AGAP1: variants seen among roughly 807,000 people sequenced by gnomAD.
AGAP1 encodes the protein ArfGAP with GTPase domain, ankyrin repeat and PH domain 1, also known as arf-GAP with GTPase, ANK repeat and PH domain-containing protein 1.
AGAP1 carries 29 observed loss-of-function variants against 105.3 expected under a neutral mutation model. The observed-to-expected ratio is 0.28, with a 90% CI of 0.21 to 0.38. The LOEUF (loss-of-function observed/expected upper bound fraction) is 0.38, where lower values mean the gene tolerates loss of function less well. AGAP1 is among the 10% of genes least tolerant of loss of function. AGAP1 has a pLI of 1.00. For missense variants in AGAP1, 998 were observed against 1,165.1 expected, an observed-to-expected ratio of 0.86 and a Z score of 2.09; for synonymous variants, 509 against 485.9, an observed-to-expected ratio of 1.05 and a Z score of -0.63.
At chr2:235,501,698 G>T (rs998402896) in intron 1 of AGAP1, among the ~76,000 whole-genome samples, 1 of 152,090 alleles carries the variant, frequency 6.6e-6, no homozygotes, top group African/African-American at 2.4e-5. Context: ...TAGTTTGTGA[G>T]TCTCACTCTG....
rs764744851 is a variant in AGAP1 at position 235,810,134 on chromosome 2, C to T, written c.1050+2803C>T. Among the ~76,000 whole-genome samples, 7 of 152,266 alleles carry T rather than the reference C, an allele frequency of 4.6e-5. No homozygotes were observed. In the South Asian group the frequency reaches 1.0e-3, roughly 23 times the overall value. ...TTTAAATTAAGTAAGTGAACCACGA[C>T]CTGAGACAAAAATATCTTACGACTG... is the stretch of plus-strand genomic sequence containing the variant. On this transcript the variant is annotated intron_variant, in intron 9 of 17. Transcript: ENST00000304032.
intron 16 of AGAP1, among the ~76,000 whole-genome samples, chr2:236,059,078 A>G (rs2058119567): frequency 1.3e-5 from 2 of 152,028 alleles, no homozygotes; most frequent in African/African-American, 4.8e-5. Flanking sequence ...TTAAATCCCA[A>G]TGTTTTGGGA....
intron 16 of AGAP1, among the ~76,000 whole-genome samples, chr2:236,107,394 G>A (rs2059526647): frequency 6.6e-6 from 1 of 152,132 alleles, no homozygotes; most frequent in Admixed American, 6.5e-5. Context: ...GGGCTGCTGT[G>A]GGCTGCTGTC....
Position 236,104,839 on chromosome 2 carries a change from C to T in AGAP1, c.2115-15353C>T, listed in dbSNP as rs564770928. Among the ~76,000 whole-genome samples the T allele has an allele frequency of 1.3e-5, 2 of 152,148 alleles. No homozygotes were observed. Among genetic ancestry groups the T allele is most frequent in the South Asian group, 4.2e-4 (2 of 4,818 alleles). ...ACCGGGACCCGGGAGGCGGAGGTAG[C>T]AGTGAGCCCAAGTTCATGCCACTGC... On this transcript the variant is annotated intron_variant, in intron 16 of 17. Transcript: ENST00000304032. This position sits in a 1 kb window ranked among gnomAD's most constrained non-coding sequence, Gnocchi z 4.7.
intron 13 of AGAP1, among the ~76,000 whole-genome samples, chr2:235,975,707 G>A (rs1415784537): frequency 6.6e-6 from 1 of 152,142 alleles, no homozygotes; most frequent in South Asian, 2.1e-4. Flanking sequence ...TGGCTGGAGG[G>A]GAGATCCAGT....
intron 11 of AGAP1, among the ~76,000 whole-genome samples, chr2:235,913,894 G>C (rs2051746252): frequency 6.6e-6 from 1 of 152,072 alleles, no homozygotes; most frequent in Non-Finnish European, 1.5e-5. Flanking sequence ...TTTACTGTGT[G>C]GAGTTCCTTA....
rs1943967567 is a variant in AGAP1, at chr2:235,556,204, C to T, written c.163+61355C>T. Among the ~76,000 whole-genome samples, 1 of 152,332 alleles carries T rather than the reference C, an allele frequency of 6.6e-6. No individual in the cohort carries two copies. The highest frequency in any genetic ancestry group is 6.5e-5 in the Admixed American group (1 of 15,306). On this transcript the variant is annotated intron_variant, in intron 1 of 17. Transcript: ENST00000304032. The surrounding 1 kb of genome is among the most constrained non-coding windows in gnomAD (Gnocchi z 5.3). ...CTGCAGCAGCTCCTCAGAGCTGCCC[C>T]CTCATGCCTTGGCCAATCACAGAGC... is the stretch of plus-strand genomic sequence containing the variant.
At chr2:236,049,316 G>C in intron 16 of AGAP1, 35 bp downstream of exon 16, 1 of 1,585,772 alleles carries the variant, frequency 6.3e-7, no homozygotes, top group Non-Finnish European at 8.6e-7. Flanking sequence ...CTCCCGACAC[G>C]TTTGCCAACA....
At position 236,038,401 on chromosome 2, in the gene AGAP1, T is replaced by C. The variant is rs1373045540; in HGVS notation, c.1800+1686T>C. 6.6e-6 allele frequency among the ~76,000 whole-genome samples: 1 copy of C among 152,190 alleles called. No individual in the cohort carries two copies. Among genetic ancestry groups the C allele is most frequent in the Non-Finnish European group, 1.5e-5 (1 of 68,030 alleles). ...CACCTCGACCTAATTCAGGAAGATC[T>C]GGGATGGTGGCAGCCTTTCCCATTC... On this transcript the variant is annotated intron_variant, in intron 14 of 17. Transcript: ENST00000304032. This position sits in a 1 kb window ranked among gnomAD's most constrained non-coding sequence, Gnocchi z 4.5.
chr2:235,702,783 TCTC>T (rs781621759), intron 1 of AGAP1, among the ~76,000 whole-genome samples: 51 of 149,332 alleles, frequency 3.4e-4, no homozygotes, highest in South Asian at 1.8e-3. Context: ...AGCAGGAACA[TCTC>T]CTCCTGGCTG....
chr2:235,762,677 G>A (rs1277820074), intron 6 of AGAP1, among the ~76,000 whole-genome samples: 3 of 152,230 alleles, frequency 2.0e-5, no homozygotes, highest in East Asian at 1.9e-4. Context: ...AGACCAGACC[G>A]GCCAACATGG....
rs1211679721 is a variant in AGAP1, at chr2:235,988,029, G to A, written c.1645+19406G>A. Among the ~76,000 whole-genome samples, 4 of 152,062 alleles carry A rather than the reference G, an allele frequency of 2.6e-5. No homozygotes were observed. Among genetic ancestry groups the A allele is most frequent in the Non-Finnish European group, 4.4e-5 (3 of 68,020 alleles). ...TAGTTAAAACTCCTTTTGTTATTTT[G>A]TGTTTGTTCGTTTGTTCTGTTTTGT... On this transcript the variant is annotated intron_variant, in intron 13 of 17. Coordinates refer to ENST00000304032, the MANE Select transcript of AGAP1 (RefSeq NM_001037131.3). This position sits in a 1 kb window ranked among gnomAD's most constrained non-coding sequence, Gnocchi z 4.7.
chr2:236,053,106 A>G lies in AGAP1; in HGVS notation c.2114+3825A>G, dbSNP rs3754652. Among the ~76,000 whole-genome samples, 128,182 of 152,184 alleles carry G rather than the reference A, an allele frequency of 0.84. 54,099 individuals carry two copies. The highest frequency in any genetic ancestry group is 0.96 in the East Asian group (4,965 of 5,156). ...GCGTCGAGCAGCTGGGCCGGGGGCC[A>G]CCAGCCAGGCGGGGCTCTGGGTTCC... On this transcript the variant is annotated intron_variant, in intron 16 of 17. Coordinates refer to ENST00000304032, the MANE Select transcript of AGAP1 (RefSeq NM_001037131.3). This position sits in a 1 kb window ranked among gnomAD's most constrained non-coding sequence, Gnocchi z 4.6.
In AGAP1 at chr2:235,970,225, A is replaced by G. The variant is rs1163353791; in HGVS notation, c.1645+1602A>G. ...TGTCTTTAAAAAAAAAAAAAAAAAAAAAAGACGATTTTTCTCATGTTGTGG... is the reference window on the plus strand; with the variant it reads ...TGTCTTTAAAAAAAAAAAAAAAAAAGAAAGACGATTTTTCTCATGTTGTGG... On this transcript the variant is annotated intron_variant, in intron 13 of 17. Transcript: ENST00000304032. This position sits in a 1 kb window ranked among gnomAD's most constrained non-coding sequence, Gnocchi z 5.4. Among the ~76,000 whole-genome samples the G allele has an allele frequency of 6.6e-6, 1 of 151,554 alleles. No homozygotes were observed. Among genetic ancestry groups the G allele is most frequent in the Admixed American group, 6.6e-5 (1 of 15,208 alleles).
chr2:236,109,474 A>T lies in AGAP1; in HGVS notation c.2115-10718A>T, dbSNP rs1228629870. On this transcript the variant is annotated intron_variant, in intron 16 of 17. Transcript: ENST00000304032. The surrounding 1 kb of genome is among the most constrained non-coding windows in gnomAD (Gnocchi z 5.4). ...GTTTTGATAGGGAAGAAGAGGAGGA[A>T]GGAAAAACTGAGATGATCTAGATCC... 6.6e-6 allele frequency among the ~76,000 whole-genome samples: 1 copy of T among 152,204 alleles called. No individual in the cohort carries two copies. Among genetic ancestry groups the T allele is most frequent in the East Asian group, 1.9e-4 (1 of 5,198 alleles).
intron 3 of AGAP1, among the ~76,000 whole-genome samples, chr2:235,735,912 G>T (rs1444517219): frequency 6.6e-6 from 1 of 151,938 alleles, no homozygotes; most frequent in Non-Finnish European, 1.5e-5. Flanking sequence ...CAAGTAGCTC[G>T]GGCGAGGTGA....
intron 1 of AGAP1, among the ~76,000 whole-genome samples, chr2:235,568,303 G>A (rs970046933): frequency 1.3e-5 from 2 of 152,244 alleles, no homozygotes; most frequent in African/African-American, 2.4e-5. Context: ...GATCCGAGCT[G>A]CTGCTGTTCG....
At chr2:235,646,787 C>T (rs938792722) in intron 1 of AGAP1, among the ~76,000 whole-genome samples, 3 of 152,218 alleles carry the variant, frequency 2.0e-5, no homozygotes, top group Non-Finnish European at 2.9e-5. Context: ...TCTGTACAAC[C>T]TCCTGGCCAG....
intron 1 of AGAP1, among the ~76,000 whole-genome samples, chr2:235,595,498 A>G (rs1317214121): frequency 6.6e-6 from 1 of 152,188 alleles, no homozygotes; most frequent in Admixed American, 6.5e-5. Context: ...CACGTATAGC[A>G]CTTTCAATTA....
Sources: allele counts gnomAD v4.1 joint callset (sites outside exome capture counted in the v4.1 genomes callset), GRCh38; gene constraint gnomAD v4.1.1; non-coding constraint Gnocchi (gnomAD v3.1); transcripts MANE v1.5; gene names NCBI Gene and HGNC (gene_info 2026-07-23, HGNC 2026-07-21).